The following PTPRN2 variants were observed in gnomAD, a reference collection of about 807,000 sequenced individuals.
The protein encoded by PTPRN2 is protein tyrosine phosphatase receptor type N2, also known as receptor-type tyrosine-protein phosphatase N2.
In PTPRN2, 74 loss-of-function variants were observed where a neutral mutation model predicts 118.8. The ratio of observed to expected loss-of-function variants is 0.62; its 90% CI spans 0.52 to 0.76. The LOEUF is 0.76. Ranked by LOEUF, PTPRN2 falls within the 30% of genes least tolerant of loss-of-function variation. The probability of loss-of-function intolerance (pLI) is 0.00; values close to 1 mark genes in which losing one functional copy is unlikely to be tolerated. For synonymous variants in PTPRN2, 641 were observed against 608.0 expected (o/e 1.05, Z -0.80); for missense variants, 1,481 against 1,394.4 (o/e 1.06, Z -0.99).
intron 3 of PTPRN2, among the ~76,000 whole-genome samples, chr7:158,294,724 G>A (rs541913667): frequency 4.6e-5 from 7 of 152,336 alleles, no homozygotes; most frequent in Admixed American, 3.3e-4. Flanking sequence ...CTGGGAGCAC[G>A]GGTCGCCCAG....
intron 2 of PTPRN2, among the ~76,000 whole-genome samples, chr7:158,394,195 G>A (rs535144514): frequency 1.3e-5 from 2 of 149,100 alleles, no homozygotes; most frequent in South Asian, 2.1e-4. Flanking sequence ...CCACGGATGC[G>A]TGGTTCCCCT....
chr7:157,894,894 G>A (rs1371226734), intron 12 of PTPRN2, among the ~76,000 whole-genome samples: 1 of 152,192 alleles, frequency 6.6e-6, no homozygotes, highest in Non-Finnish European at 1.5e-5. Flanking sequence ...TCCCAGGTGG[G>A]CAATTGACAG....
chr7:158,042,766 G>A (rs535253214), intron 11 of PTPRN2, among the ~76,000 whole-genome samples: 9 of 152,328 alleles, frequency 5.9e-5, no homozygotes, highest in African/African-American at 1.4e-4. Flanking sequence ...CCAGGGTGAC[G>A]AGCATCTGCT....
At chr7:158,267,663 G>C (rs1210718301) in intron 3 of PTPRN2, among the ~76,000 whole-genome samples, 1 of 152,230 alleles carries the variant, frequency 6.6e-6, no homozygotes, top group African/African-American at 2.4e-5. Context: ...TGTGGGCACA[G>C]CCTAAGCTTC....
chr7:158,202,785 A>G (rs1025686433), intron 4 of PTPRN2, among the ~76,000 whole-genome samples: 2 of 152,268 alleles, frequency 1.3e-5, no homozygotes, highest in African/African-American at 2.4e-5. Flanking sequence ...AGTGCCATCT[A>G]CGTTCCAGGC....
chr7:158,259,614 G>A (rs73522314), intron 3 of PTPRN2, among the ~76,000 whole-genome samples: 1 of 152,188 alleles, frequency 6.6e-6, no homozygotes, highest in Non-Finnish European at 1.5e-5. Flanking sequence ...GATCCCACCT[G>A]CTCCCACTCC....
rs1345061229 is a variant in PTPRN2, at chr7:158,421,104, C to T, written c.163+68631G>A. Among the ~76,000 whole-genome samples, 7 of 152,184 alleles carry T rather than the reference C, an allele frequency of 4.6e-5. No individual in the cohort carries two copies. In the East Asian group the frequency reaches 5.8e-4, roughly 13 times the overall value. On this transcript the variant is annotated intron_variant, in intron 2 of 22. Coordinates refer to ENST00000389418, the MANE Select transcript of PTPRN2 (RefSeq NM_002847.5). Reference sequence around the variant, plus strand: ...CTGAGGATTCCCGTACCCCATTAGACGTGTGTGGCTCAGATCTTCAGTCCA... The same window carrying T: ...CTGAGGATTCCCGTACCCCATTAGATGTGTGTGGCTCAGATCTTCAGTCCA...
At chr7:157,837,826 G>A (rs1178435230) in intron 12 of PTPRN2, among the ~76,000 whole-genome samples, 4 of 152,388 alleles carry the variant, frequency 2.6e-5, no homozygotes, top group Middle Eastern at 3.4e-3. Context: ...GGACTCAGGG[G>A]TGGGTCCCGT....
chr7:158,077,292 C>A (rs1027142643), intron 11 of PTPRN2, among the ~76,000 whole-genome samples: 3 of 152,210 alleles, frequency 2.0e-5, no homozygotes, highest in African/African-American at 7.2e-5. Context: ...CCTGTTCTGA[C>A]ACTCACCAGC....
chr7:158,149,036 C>A (rs1820562339), intron 6 of PTPRN2, among the ~76,000 whole-genome samples: 2 of 137,018 alleles, frequency 1.5e-5, no homozygotes, highest in East Asian at 4.3e-4. Flanking sequence ...ACGTGTCTTT[C>A]CCTCTCACTG....
chr7:158,562,147 C>G (rs1009538422), intron 1 of PTPRN2, among the ~76,000 whole-genome samples: 2 of 152,192 alleles, frequency 1.3e-5, no homozygotes, highest in Non-Finnish European at 2.9e-5. Flanking sequence ...ACCTTGATTT[C>G]TCACAGCTCT....
intron 12 of PTPRN2, among the ~76,000 whole-genome samples, chr7:157,822,039 C>CCAAT (rs1243860287): frequency 6.6e-6 from 1 of 151,364 alleles, no homozygotes; most frequent in Non-Finnish European, 1.5e-5. Context: ...TATACACCAT[C>CCAAT]CAATAACCAT....
At position 158,325,501 on chromosome 7, in the gene PTPRN2, T is replaced by C. The variant is rs550616580; in HGVS notation, c.164-8569A>G. Among the ~76,000 whole-genome samples the C allele has an allele frequency of 5.9e-5, 9 of 152,368 alleles. 1 individual carries two copies. The East Asian group carries it at 1.3e-3, about 23-fold the overall frequency. ...AGGGCATTGTTTGAAATAACCACAA[T>C]GCGCATACCTATTCAATCATTTGTG... On this transcript the variant is annotated intron_variant, in intron 2 of 22. Transcript: ENST00000389418.
chr7:157,668,986 C>G (rs1040467672), intron 13 of PTPRN2, among the ~76,000 whole-genome samples: 1 of 152,232 alleles, frequency 6.6e-6, no homozygotes, highest in African/African-American at 2.4e-5. Context: ...CAGAAGGAAC[C>G]GCCTCACATG....
rs1801796798 is a variant in PTPRN2, at chr7:157,964,792, T to C, written c.1724-66055A>G. Among the ~76,000 whole-genome samples the C allele has an allele frequency of 6.6e-6, 1 of 152,200 alleles. No homozygotes were observed. Among genetic ancestry groups the C allele is most frequent in the African/African-American group, 2.4e-5 (1 of 41,454 alleles). On this transcript the variant is annotated intron_variant, in intron 11 of 22. Transcript: ENST00000389418. This position sits in a 1 kb window ranked among gnomAD's most constrained non-coding sequence, Gnocchi z 9.0. ...AGGTTGGTGTGAAACCCCACCCCACTCAACCCTGGCTGATCCCCATGGCCT... is the reference window on the plus strand; with the variant it reads ...AGGTTGGTGTGAAACCCCACCCCACCCAACCCTGGCTGATCCCCATGGCCT...
chr7:158,160,177 G>A (rs1199793647), intron 6 of PTPRN2, among the ~76,000 whole-genome samples: 2 of 152,328 alleles, frequency 1.3e-5, no homozygotes, highest in Non-Finnish European at 1.5e-5. Context: ...ACTTGACTGG[G>A]TTAAGGAATA....
At chr7:157,640,799 A>G (rs943870663) in intron 14 of PTPRN2, among the ~76,000 whole-genome samples, 16 of 152,370 alleles carry the variant, frequency 1.1e-4, no homozygotes, top group African/African-American at 3.8e-4. Flanking sequence ...AAAAAGAAAT[A>G]GAACTTGACC....
At chr7:158,317,891 G>C (rs377102713) in intron 2 of PTPRN2, among the ~76,000 whole-genome samples, 1 of 152,200 alleles carries the variant, frequency 6.6e-6, no homozygotes, top group East Asian at 1.9e-4. Context: ...CGACGGGGCC[G>C]GGTGATTAGC....
intron 6 of PTPRN2, among the ~76,000 whole-genome samples, chr7:158,148,592 C>A (rs1233166672): frequency 9.1e-5 from 12 of 131,374 alleles, no homozygotes; most frequent in African/African-American, 3.4e-4. Context: ...CCCTCACTGA[C>A]ACCCCATCTC....
Sources: gnomAD v4.1 joint callset for allele counts (sites outside exome capture counted in the v4.1 genomes callset) on GRCh38, gnomAD v4.1.1 for gene constraint, Gnocchi (gnomAD v3.1) non-coding constraint, MANE v1.5 for transcripts, NCBI Gene and HGNC (gene_info 2026-07-23, HGNC 2026-07-21) for gene names.